SLIT2: variants seen among roughly 807,000 people sequenced by gnomAD.
SLIT2 encodes slit homolog 2 protein.
SLIT2 carries 41 observed loss-of-function variants against 185.7 expected under a neutral mutation model. The observed-to-expected ratio is 0.22, with a 90% CI of 0.17 to 0.29. SLIT2 has a LOEUF of 0.29. Among genes scored for constraint, SLIT2 ranks in the 10% least tolerant of loss-of-function variants. The pLI, the probability that SLIT2 is intolerant of heterozygous loss-of-function variation, is 1.00. For synonymous variants in SLIT2, 693 were observed against 680.2 expected (o/e 1.02, Z -0.29); for missense variants, 1,571 against 1,909.0 (o/e 0.82, Z 3.30).
At chr4:20,497,959 G>A (rs1718383429) in intron 9 of SLIT2, among the ~76,000 whole-genome samples, 1 of 151,326 alleles carries the variant, frequency 6.6e-6, no homozygotes, top group Non-Finnish European at 1.5e-5. Context: ...AGATCACGAG[G>A]TCAAGAGATC....
chr4:20,291,952 A>C (rs1010880838), intron 4 of SLIT2, among the ~76,000 whole-genome samples: 1 of 149,500 alleles, frequency 6.7e-6, no homozygotes, highest in Non-Finnish European at 1.5e-5. Flanking sequence ...ATGTGTGTGC[A>C]TCCTGTGTGT....
intron 12 of SLIT2, among the ~76,000 whole-genome samples, chr4:20,520,817 C>G (rs1000452255): frequency 6.6e-6 from 1 of 152,158 alleles, no homozygotes; most frequent in Non-Finnish European, 1.5e-5. Flanking sequence ...CTCAGTGCTA[C>G]ATAACCCAGT....
chr4:20,405,487 T>G (rs970914631), intron 4 of SLIT2, among the ~76,000 whole-genome samples: 1 of 152,012 alleles, frequency 6.6e-6, no homozygotes, highest in Admixed American at 6.6e-5. Flanking sequence ...TTCATGATTG[T>G]TATTTAAGTA....
chr4:20,478,683 G>A (rs1403552814), intron 5 of SLIT2, among the ~76,000 whole-genome samples: 2 of 152,164 alleles, frequency 1.3e-5, no homozygotes, highest in African/African-American at 2.4e-5. Context: ...AAATTTGATA[G>A]CATTAAAAGA....
chr4:20,560,199 G>T (rs1724586969), intron 26 of SLIT2, among the ~76,000 whole-genome samples: 1 of 151,772 alleles, frequency 6.6e-6, no homozygotes, highest in Non-Finnish European at 1.5e-5. Flanking sequence ...ATTAAGGTTT[G>T]TCAATGTATA....
intron 4 of SLIT2, among the ~76,000 whole-genome samples, chr4:20,414,653 A>G (rs1381287533): frequency 6.6e-6 from 1 of 152,206 alleles, no homozygotes; most frequent in Non-Finnish European, 1.5e-5. Context: ...CTTGCATGAC[A>G]TCTTCCCTCC....
In SLIT2 at chr4:20,253,864, C is replaced by G. The variant is rs749656086; in HGVS notation, c.49C>G (p.Leu17Val). ...GCTGTCCCTGTCGCTGGGGTTAGTG[C>G]TGGCGATCCTGAACAAGGTGGCACC... ...QMLSLSLGLV[L>V]AILNKVAPQA... is the part of the protein sequence containing the mutation. The change falls in exon 1 of 37, where the codon CTG (leucine) becomes GTG (valine). Residue 17 changes from leucine (L) to valine (V), a missense_variant. Leu to Val is a conservative substitution (Grantham distance 32). Transcript: ENST00000504154. 6.2e-7 allele frequency: 1 copy of G among 1,600,756 alleles called. No individual in the cohort carries two copies. The highest frequency in any genetic ancestry group is 8.5e-7 in the Non-Finnish European group (1 of 1,179,908).
chr4:20,368,033 G>A (rs547706849), intron 4 of SLIT2, among the ~76,000 whole-genome samples: 71 of 152,010 alleles, frequency 4.7e-4, no homozygotes, highest in African/African-American at 1.7e-3. Context: ...TTCTGTTCTT[G>A]AAAACTCAAT....
At chr4:20,369,766 C>T (rs984178702) in intron 4 of SLIT2, among the ~76,000 whole-genome samples, 5 of 152,048 alleles carry the variant, frequency 3.3e-5, no homozygotes, top group Non-Finnish European at 7.4e-5. Flanking sequence ...GGGACCAGCC[C>T]TATCTCAGCC....
At chr4:20,398,641 G>A (rs1040407148) in intron 4 of SLIT2, among the ~76,000 whole-genome samples, 1 of 151,620 alleles carries the variant, frequency 6.6e-6, no homozygotes, top group African/African-American at 2.4e-5. Context: ...ACTCAGTCAT[G>A]TATTGTTTTT....
At chr4:20,290,327 A>G (rs1422317518) in intron 4 of SLIT2, among the ~76,000 whole-genome samples, 1 of 152,244 alleles carries the variant, frequency 6.6e-6, no homozygotes, top group Non-Finnish European at 1.5e-5. Context: ...GAAAAAATGA[A>G]AAAGAAATGA....
intron 29 of SLIT2, among the ~76,000 whole-genome samples, chr4:20,571,615 T>C (rs1175857641): frequency 6.6e-6 from 1 of 152,226 alleles, no homozygotes; most frequent in Non-Finnish European, 1.5e-5. Context: ...GGAGGAATTT[T>C]CTTATAATGT....
In SLIT2 at chr4:20,541,449, T is replaced by C. The variant is rs375073150; in HGVS notation, c.1977-4T>C. On this transcript the variant is annotated splice_region_variant and splice_polypyrimidine_tract_variant and intron_variant, in intron 19 of 36. Coordinates refer to ENST00000504154, the MANE Select transcript of SLIT2 (RefSeq NM_004787.4). ...ACTGTGCATCGTTTGCCTGTGGCTCTTAGAAACCTCTTGGCCAATCCTTTT... is the reference window on the plus strand; with the variant it reads ...ACTGTGCATCGTTTGCCTGTGGCTCCTAGAAACCTCTTGGCCAATCCTTTT... 1.9e-6 allele frequency: 3 copies of C among 1,613,626 alleles called. No homozygotes were observed. In the African/African-American group the frequency reaches 4.0e-5, roughly 22 times the overall value.
rs373114289 is a variant in SLIT2, at chr4:20,472,594, ATATC to A, written c.467+4775_467+4778del. 5.8e-3 allele frequency among the ~76,000 whole-genome samples: 131 copies of A among 22,646 alleles called. 38 individuals carry two copies. Among genetic ancestry groups the A allele is most frequent in the Admixed American group, 0.012 (13 of 1,060 alleles). 14.9% of individuals were successfully genotyped at this position (22,646 alleles called of 152,430 possible). ...TATAGATATATCTATATATAGATAT[ATATC>A]TATAGATATATCTATATATATCGAT... On this transcript the variant is annotated intron_variant, in intron 5 of 36. Coordinates refer to ENST00000504154, the MANE Select transcript of SLIT2 (RefSeq NM_004787.4).
intron 4 of SLIT2, among the ~76,000 whole-genome samples, chr4:20,383,999 C>T (rs575644811): frequency 9.9e-5 from 15 of 152,244 alleles, no homozygotes; most frequent in African/African-American, 3.6e-4. Context: ...ATCCATCACA[C>T]CCAGCCAGTG....
intron 4 of SLIT2, among the ~76,000 whole-genome samples, chr4:20,429,246 A>AG (rs1343964346): frequency 2.0e-5 from 3 of 152,082 alleles, no homozygotes; most frequent in Non-Finnish European, 4.4e-5. Context: ...CTTGATTCAT[A>AG]ATCAAGGCAG....
chr4:20,455,897 CTT>C (rs1713011232), intron 4 of SLIT2, among the ~76,000 whole-genome samples: 1 of 152,000 alleles, frequency 6.6e-6, no homozygotes, highest in Non-Finnish European at 1.5e-5. Flanking sequence ...TTTATGAAGT[CTT>C]TATTTCTAGG....
intron 4 of SLIT2, among the ~76,000 whole-genome samples, chr4:20,299,496 CAATAA>C (rs2109102183): frequency 6.6e-6 from 1 of 152,212 alleles, no homozygotes; most frequent in East Asian, 1.9e-4. Flanking sequence ...TTATCTATTT[CAATAA>C]ATTGAAAATG....
At chr4:20,337,378 G>A (rs1270223045) in intron 4 of SLIT2, among the ~76,000 whole-genome samples, 2 of 151,988 alleles carry the variant, frequency 1.3e-5, no homozygotes, top group Non-Finnish European at 1.5e-5. Flanking sequence ...AACAGCACAG[G>A]AAGGACCTGC....
Sources: gnomAD v4.1 joint callset for allele counts (sites outside exome capture counted in the v4.1 genomes callset) on GRCh38, gnomAD v4.1.1 for gene constraint, MANE v1.5 for transcripts, NCBI Gene and HGNC (gene_info 2026-07-23, HGNC 2026-07-21) for gene names.